The following ZNF385B variants were observed in gnomAD, a reference collection of about 807,000 sequenced individuals.
ZNF385B encodes the protein zinc finger protein 385B, also known as zinc finger protein 533.
ZNF385B carries 23 observed loss-of-function variants against 39.2 expected under a neutral mutation model. The ratio of observed to expected loss-of-function variants is 0.59; its 90% CI spans 0.42 to 0.83. The LOEUF (loss-of-function observed/expected upper bound fraction) is 0.83. Ranked by LOEUF, ZNF385B falls within the 40% of genes least tolerant of loss-of-function variation. The pLI, the probability that ZNF385B is intolerant of heterozygous loss-of-function variation, is 0.00. For synonymous variants in ZNF385B, 205 were observed against 222.6 expected (o/e 0.92, Z 0.70); for missense variants, 552 against 598.9 (o/e 0.92, Z 0.82).
At chr2:179,718,227 T>C (rs1401368899) in intron 3 of ZNF385B, among the ~76,000 whole-genome samples, 1 of 151,798 alleles carries the variant, frequency 6.6e-6, no homozygotes, top group Non-Finnish European at 1.5e-5. Context: ...AGCATTTATC[T>C]AAGATTTTAT....
intron 3 of ZNF385B, among the ~76,000 whole-genome samples, chr2:179,600,572 C>T (rs1515317): frequency 0.77 from 117,430 of 152,144 alleles, 45,970 homozygotes; most frequent in Middle Eastern, 0.85. Flanking sequence ...TCTATATCTT[C>T]TGGGTCAAAT....
chr2:179,770,176 T>G (rs1456118350), intron 2 of ZNF385B, among the ~76,000 whole-genome samples: 1 of 152,208 alleles, frequency 6.6e-6, no homozygotes, highest in East Asian at 1.9e-4. Context: ...TCTGGTTATA[T>G]GCTCACATAG....
intron 1 of ZNF385B, among the ~76,000 whole-genome samples, chr2:179,816,372 C>T (rs890780930): frequency 2.6e-5 from 4 of 152,138 alleles, no homozygotes; most frequent in Admixed American, 6.5e-5. Flanking sequence ...GGACCTTTTC[C>T]GTCATCTGTT....
At chr2:179,683,206 G>A (rs1171170008) in intron 3 of ZNF385B, among the ~76,000 whole-genome samples, 4 of 137,082 alleles carry the variant, frequency 2.9e-5, no homozygotes, top group East Asian at 2.8e-4. Context: ...TGGCCAACAC[G>A]GTGAAACCCT....
At chr2:179,629,612 G>A (rs558051486) in intron 3 of ZNF385B, among the ~76,000 whole-genome samples, 205 of 152,236 alleles carry the variant, frequency 1.3e-3, no homozygotes, top group South Asian at 4.4e-3. Flanking sequence ...TGCAGAAGAC[G>A]GGTGATTTCC....
chr2:179,788,918 A>C lies in ZNF385B; in HGVS notation c.-154-18246T>G, dbSNP rs79986865. On this transcript the variant is annotated intron_variant, in intron 1 of 9. Coordinates refer to ENST00000410066, the MANE Select transcript of ZNF385B (RefSeq NM_152520.6). ...CCAGAAAGAGGATGTGTGGAACAAG[A>C]GCCTGATGAAAAGCTGATTTTGCTT... 1.1e-4 allele frequency among the ~76,000 whole-genome samples: 16 copies of C among 152,264 alleles called. No homozygotes were observed. The East Asian group carries it at 3.1e-3, about 29-fold the overall frequency.
chr2:179,838,727 T>G (rs1253617752), intron 1 of ZNF385B, among the ~76,000 whole-genome samples: 1 of 152,180 alleles, frequency 6.6e-6, no homozygotes, highest in Non-Finnish European at 1.5e-5. Context: ...GGAAGCTTCA[T>G]GATATCTCCA....
intron 3 of ZNF385B, among the ~76,000 whole-genome samples, chr2:179,690,368 T>C (rs535640593): frequency 6.6e-6 from 1 of 152,322 alleles, no homozygotes; most frequent in South Asian, 2.1e-4. Flanking sequence ...TCCAGGACCA[T>C]TCACGTCTGT....
intron 6 of ZNF385B, among the ~76,000 whole-genome samples, chr2:179,464,797 G>A (rs925298355): frequency 2.0e-5 from 3 of 152,162 alleles, no homozygotes; most frequent in Non-Finnish European, 4.4e-5. Flanking sequence ...CTCCAGCTTT[G>A]TTCTTCTTGC....
Position 179,446,647 on chromosome 2 carries a change from C to T in ZNF385B, c.839G>A (p.Ser280Asn). 1 of 1,614,008 alleles carries T rather than the reference C, an allele frequency of 6.2e-7. No homozygotes were observed. Among genetic ancestry groups the T allele is most frequent in the Non-Finnish European group, 8.5e-7 (1 of 1,179,976 alleles). ...AACAGTACCGGGAGCTCCATTTGTG[C>T]TCTTGGAGGGAGAAGTGGCTGCTCC... ...PPGAATSPSKSTNGAPGTVVE... is the reference protein window; with the variant it reads ...PPGAATSPSKNTNGAPGTVVE... Residue 280 changes from serine (S) to asparagine (N), a missense_variant, in exon 7 of 10, where the codon AGC becomes AAC. Physicochemically the swap from Ser to Asn is conservative, Grantham distance 46. Transcript: ENST00000410066.
chr2:179,710,892 T>C (rs12105276), intron 3 of ZNF385B, among the ~76,000 whole-genome samples: 2,033 of 152,282 alleles, frequency 0.013, 46 homozygotes, highest in African/African-American at 0.047. Flanking sequence ...CTTCTGTACT[T>C]AGTATAATGA....
chr2:179,697,703 G>A (rs1698873578), intron 3 of ZNF385B, among the ~76,000 whole-genome samples: 1 of 152,168 alleles, frequency 6.6e-6, no homozygotes, highest in South Asian at 2.1e-4. Flanking sequence ...AAGAAAGGAT[G>A]TGCTCTTTTC....
intron 5 of ZNF385B, among the ~76,000 whole-genome samples, chr2:179,513,842 G>A (rs1328979477): frequency 6.6e-6 from 1 of 152,138 alleles, no homozygotes; most frequent in African/African-American, 2.4e-5. Flanking sequence ...GTTTTGTGAG[G>A]CAACATAATA....
chr2:179,493,805 A>ATACATATATG (rs1553572865), intron 5 of ZNF385B, among the ~76,000 whole-genome samples: 230 of 139,898 alleles, frequency 1.6e-3, no homozygotes, highest in Non-Finnish European at 2.3e-3. Context: ...ATATATGTAT[A>ATACATATATG]TATACATATA....
intron 3 of ZNF385B, among the ~76,000 whole-genome samples, chr2:179,664,613 G>A (rs1694917419): frequency 6.6e-6 from 1 of 152,106 alleles, no homozygotes; most frequent in African/African-American, 2.4e-5. Flanking sequence ...CAAACATATG[G>A]ACACATCCTA....
intron 3 of ZNF385B, among the ~76,000 whole-genome samples, chr2:179,723,140 T>C (rs1250484072): frequency 6.6e-6 from 1 of 152,184 alleles, no homozygotes; most frequent in Non-Finnish European, 1.5e-5. Flanking sequence ...CTTAGGGAAA[T>C]ACTTTGGCAT....
At chr2:179,839,780 G>A (rs1399892803) in intron 1 of ZNF385B, among the ~76,000 whole-genome samples, 1 of 152,214 alleles carries the variant, frequency 6.6e-6, no homozygotes, top group East Asian at 1.9e-4. Flanking sequence ...AAGGGGAGAA[G>A]AGGAGATGGT....
intron 1 of ZNF385B, among the ~76,000 whole-genome samples, chr2:179,783,996 C>A (rs1704833977): frequency 6.6e-6 from 1 of 152,136 alleles, no homozygotes; most frequent in Non-Finnish European, 1.5e-5. Context: ...GAATATAAAT[C>A]ATTCTGTCTT....
At chr2:179,551,362 A>T (rs1260273584) in intron 3 of ZNF385B, among the ~76,000 whole-genome samples, 1 of 152,078 alleles carries the variant, frequency 6.6e-6, no homozygotes, top group Non-Finnish European at 1.5e-5. Context: ...CAGCAGTTTC[A>T]CATGTTTAGC....
Sources: gnomAD v4.1 joint callset for allele counts (sites outside exome capture counted in the v4.1 genomes callset) on GRCh38, gnomAD v4.1.1 for gene constraint, MANE v1.5 for transcripts, NCBI Gene and HGNC (gene_info 2026-07-23, HGNC 2026-07-21) for gene names.